Variants in IL17D observed in about 807,000 individuals in gnomAD.
The protein encoded by IL17D is interleukin 17D.
Under a neutral mutation model 5.7 loss-of-function variants are expected in IL17D, and 10 were observed. That is an observed-to-expected ratio of 1.75 (90% CI 1.08 to 2.97). IL17D has a LOEUF of 2.97. IL17D is among the 30% of genes most tolerant of loss of function. The pLI is 0.00. For synonymous variants in IL17D, 172 were observed against 141.7 expected (o/e 1.21, Z -1.52); for missense variants, 354 against 292.7 (o/e 1.21, Z -1.53).
chr13:20,711,858 C>A (rs41423248), intron 1 of IL17D, among the ~76,000 whole-genome samples: 2,237 of 152,192 alleles, frequency 0.015, 57 homozygotes, highest in African/African-American at 0.051. Context: ...CCTGAATGAC[C>A]GCCTATAGGC....
intron 1 of IL17D, among the ~76,000 whole-genome samples, chr13:20,705,265 G>A (rs1411244517): frequency 6.6e-6 from 1 of 151,580 alleles, no homozygotes. Context: ...CTGATAGCAA[G>A]CGGGAACAAA....
At position 20,716,078 on chromosome 13, in the gene IL17D, G is replaced by A. The variant is rs564135620; in HGVS notation, c.291-5558G>A. On this transcript the variant is annotated intron_variant, in intron 1 of 1. Transcript: ENST00000682841. The surrounding 1 kb of genome is among the most constrained non-coding windows in gnomAD (Gnocchi z 4.2). The stretch of plus-strand genomic sequence containing the variant: ...AGGAGTCCCATATAGGCCTCATGCC[G>A]GTGGTCTGAAAACCACATTTTGGAA... The A allele has an allele frequency of 1.5e-5, 15 of 985,146 alleles. No individual in the cohort carries two copies. Among genetic ancestry groups the A allele is most frequent in the East Asian group, 1.1e-4 (1 of 8,804 alleles). 61.0% of individuals were successfully genotyped at this position (985,146 alleles called of 1,614,324 possible).
chr13:20,702,891 A>G (rs1434487664), upstream of IL17D: 1 of 152,232 alleles, frequency 6.6e-6, no homozygotes, highest in African/African-American at 2.4e-5. Flanking sequence ...ATTTCCTCGA[A>G]GTACAGAATC....
chr13:20,717,439 G>A (rs1595001360), intron 1 of IL17D: 1 of 152,366 alleles, frequency 6.6e-6, no homozygotes, highest in East Asian at 1.9e-4. Flanking sequence ...TAACCGAAAA[G>A]CACACCTAGC....
chr13:20,715,223 C>A (rs2058669729), intron 1 of IL17D, among the ~76,000 whole-genome samples: 1 of 151,900 alleles, frequency 6.6e-6, no homozygotes, highest in Admixed American at 6.6e-5. Flanking sequence ...AAAGACCAGC[C>A]CCCCGCTCCA....
intron 1 of IL17D, among the ~76,000 whole-genome samples, chr13:20,718,391 T>TAC (rs556354223): frequency 9.2e-5 from 13 of 141,852 alleles, no homozygotes; most frequent in African/African-American, 2.9e-4. Flanking sequence ...CCTGCCCACT[T>TAC]ACACACACAC....
Position 20,722,954 on chromosome 13 carries a change from C to G in IL17D, c.*1000C>G, listed in dbSNP as rs1253589650. On this transcript the variant is annotated 3_prime_UTR_variant, in exon 2 of 2. Transcript: ENST00000682841. ...GGGCCACGTTAGCATCTGCAGAGAT[C>G]AATCTGGAGGCTTCTGTTTCTGCAT... is the stretch of plus-strand genomic sequence containing the variant. The G allele has an allele frequency of 6.6e-6, 1 of 152,236 alleles. No individual in the cohort carries two copies. Among genetic ancestry groups the G allele is most frequent in the Non-Finnish European group, 1.5e-5 (1 of 68,060 alleles). The allele number at this position is 152,236 out of a possible 1,614,324, so 9.4% of individuals were successfully genotyped here. A position where few individuals can be genotyped will look rare whatever the true frequency, so the allele number is the denominator to read the frequency against.
At chr13:20,720,319 C>T (rs924458977) in intron 1 of IL17D, among the ~76,000 whole-genome samples, 4 of 151,992 alleles carry the variant, frequency 2.6e-5, no homozygotes, top group Non-Finnish European at 4.4e-5. Flanking sequence ...GCGGCTCCAG[C>T]CCATCTTCCC....
chr13:20,714,851 G>A (rs2058666374), intron 1 of IL17D, among the ~76,000 whole-genome samples: 1 of 152,196 alleles, frequency 6.6e-6, no homozygotes, highest in Non-Finnish European at 1.5e-5. Context: ...GCTCCCTGGG[G>A]CCTTAGCTCA....
chr13:20,714,169 CAT>C (rs1396600861), intron 1 of IL17D: 1 of 152,250 alleles, frequency 6.6e-6, no homozygotes, highest in Non-Finnish European at 1.5e-5. Context: ...TTCTCATTCT[CAT>C]TTCTTTTTCT....
chr13:20,702,403 G>A (rs1223186800), upstream of IL17D: 1 of 152,158 alleles, frequency 6.6e-6, no homozygotes, highest in Non-Finnish European at 1.5e-5. Flanking sequence ...AAATACCAAA[G>A]CTGCAAACCA....
At chr13:20,710,450 C>CCAAAA (rs2058625771) in intron 1 of IL17D, among the ~76,000 whole-genome samples, 2 of 21,508 alleles carry the variant, frequency 9.3e-5, no homozygotes, top group African/African-American at 1.8e-4. Flanking sequence ...CCCATCTCTA[C>CCAAAA]TAAAAAAAAA....
chr13:20,703,738 C>CGGGGCGGCGGCGGCGGCGG lies in IL17D; in HGVS notation c.-260_-242dup, dbSNP rs2058562796. On this transcript the variant is annotated 5_prime_UTR_variant, in exon 1 of 2. Coordinates refer to ENST00000682841, the MANE Select transcript of IL17D (RefSeq NM_001385224.1). ...CCCGCCCCCCGTGCGGCCCCCGGCT[C>CGGGGCGGCGGCGGCGGCGG]GGGGCGGCGGCGGCGGCGGGGGCCG... The CGGGGCGGCGGCGGCGGCGG allele has an allele frequency of 6.9e-6, 1 of 143,960 alleles. No homozygotes were observed. Among genetic ancestry groups the CGGGGCGGCGGCGGCGGCGG allele is most frequent in the South Asian group, 2.3e-4 (1 of 4,306 alleles). 8.9% of individuals were successfully genotyped at this position (143,960 alleles called of 1,614,324 possible).
chr13:20,715,893 A>G (rs1304237729), intron 1 of IL17D, among the ~76,000 whole-genome samples: 1 of 152,076 alleles, frequency 6.6e-6, no homozygotes, highest in East Asian at 1.9e-4. Context: ...GACACGCACC[A>G]CGACGCCTGG....
intron 1 of IL17D, chr13:20,712,813 C>G (rs1397806257): frequency 4.6e-5 from 7 of 152,266 alleles, no homozygotes; most frequent in Admixed American, 4.6e-4. Flanking sequence ...GCGTCCTCGC[C>G]CAGCGCACTG....
intron 1 of IL17D, among the ~76,000 whole-genome samples, chr13:20,719,285 G>A (rs1259722760): frequency 2.5e-5 from 3 of 121,262 alleles, no homozygotes; most frequent in Admixed American, 8.4e-5. Context: ...ACCTGCCCAC[G>A]CTCAGACACC....
At chr13:20,712,234 T>C (rs1182679259) in intron 1 of IL17D, among the ~76,000 whole-genome samples, 1 of 152,190 alleles carries the variant, frequency 6.6e-6, no homozygotes, top group African/African-American at 2.4e-5. Context: ...GGTTATAACA[T>C]TAGAGAAAGA....
intron 1 of IL17D, among the ~76,000 whole-genome samples, chr13:20,705,182 G>C (rs574825502): frequency 6.6e-4 from 101 of 152,174 alleles, no homozygotes; most frequent in Non-Finnish European, 1.1e-3. Context: ...GTCAAGAAAG[G>C]CTTCGTGAAA....
At chr13:20,707,064 G>T (rs181789695) in intron 1 of IL17D, among the ~76,000 whole-genome samples, 246 of 152,318 alleles carry the variant, frequency 1.6e-3, no homozygotes, top group Non-Finnish European at 2.4e-3. Flanking sequence ...ACTCCAGATT[G>T]CTGACTGCCA....
Sources: gnomAD v4.1 joint callset for allele counts (sites outside exome capture counted in the v4.1 genomes callset) on GRCh38, gnomAD v4.1.1 for gene constraint, Gnocchi (gnomAD v3.1) non-coding constraint, MANE v1.5 for transcripts, NCBI Gene and HGNC (gene_info 2026-07-23, HGNC 2026-07-21) for gene names.